GRM7: variants seen among roughly 807,000 people sequenced by gnomAD.
The protein encoded by GRM7 is metabotropic glutamate receptor 7.
In GRM7, 35 loss-of-function variants were observed where a neutral mutation model predicts 84.5. The observed-to-expected ratio is 0.41, with a 90% CI of 0.32 to 0.55. The LOEUF is 0.55. GRM7 is among the 20% of genes least tolerant of loss of function. The pLI is 0.19. For synonymous variants in GRM7, 487 were observed against 455.1 expected (o/e 1.07, Z -0.89); for missense variants, 1,003 against 1,194.6 (o/e 0.84, Z 2.36).
chr3:7,189,378 A>G (rs945746120), intron 2 of GRM7, among the ~76,000 whole-genome samples: 4 of 152,114 alleles, frequency 2.6e-5, no homozygotes, highest in Non-Finnish European at 5.9e-5. Flanking sequence ...ATCCTTTCCA[A>G]TGAATGTGCT....
chr3:7,544,443 A>T (rs908479075), intron 7 of GRM7, among the ~76,000 whole-genome samples: 1 of 152,098 alleles, frequency 6.6e-6, no homozygotes, highest in Non-Finnish European at 1.5e-5. Context: ...AATTAGGAGG[A>T]GGTAAAGTAG....
At chr3:7,527,779 G>A (rs1700865592) in intron 7 of GRM7, among the ~76,000 whole-genome samples, 1 of 151,980 alleles carries the variant, frequency 6.6e-6, no homozygotes, top group African/African-American at 2.4e-5. Flanking sequence ...TGCCTATTGA[G>A]ATGATTGCAT....
At position 7,081,912 on chromosome 3, in the gene GRM7, TGA is replaced by T. The variant is rs529515448; in HGVS notation, c.520-64534_520-64533del. Among the ~76,000 whole-genome samples, 26 of 152,118 alleles carry T rather than the reference TGA, an allele frequency of 1.7e-4. No homozygotes were observed. The South Asian group carries it at 4.8e-3, about 28-fold the overall frequency. Reference sequence around the variant, plus strand: ...TCAATTCTGCAAAGGCTGAAAGAAGTGAGAGAGCTACCGAAGGAAAGTTTGGA... The same window carrying T: ...TCAATTCTGCAAAGGCTGAAAGAAGTGAGAGCTACCGAAGGAAAGTTTGGA... On this transcript the variant is annotated intron_variant, in intron 1 of 9. Coordinates refer to ENST00000357716, the MANE Select transcript of GRM7 (RefSeq NM_000844.4).
At chr3:7,339,107 C>T (rs866489726) in intron 4 of GRM7, among the ~76,000 whole-genome samples, 13 of 151,860 alleles carry the variant, frequency 8.6e-5, no homozygotes, top group African/African-American at 2.9e-4. Context: ...GGATCATGTC[C>T]CAAATATGTT....
chr3:7,690,724 T>G (rs1450243113), intron 9 of GRM7, among the ~76,000 whole-genome samples: 1 of 152,236 alleles, frequency 6.6e-6, no homozygotes, highest in Non-Finnish European at 1.5e-5. Context: ...CCACTGGACA[T>G]GGATCCTAAG....
intron 9 of GRM7, chr3:7,686,229 C>T (rs1219518774): frequency 1.9e-6 from 1 of 534,932 alleles, no homozygotes; most frequent in Non-Finnish European, 3.4e-6. Context: ...TTGAACCCAC[C>T]AAAAGAGTGG....
intron 1 of GRM7, among the ~76,000 whole-genome samples, chr3:7,112,443 C>T (rs1037019963): frequency 6.6e-6 from 1 of 152,110 alleles, no homozygotes; most frequent in Non-Finnish European, 1.5e-5. Flanking sequence ...CCAGGATGGT[C>T]TCGATCTCCT....
intron 2 of GRM7, among the ~76,000 whole-genome samples, chr3:7,217,781 G>A (rs1255128790): frequency 6.6e-6 from 1 of 150,558 alleles, no homozygotes; most frequent in Non-Finnish European, 1.5e-5. Flanking sequence ...GATAACCATT[G>A]TTCATATTGA....
chr3:7,519,123 T>C (rs1700497208), intron 7 of GRM7, among the ~76,000 whole-genome samples: 1 of 152,226 alleles, frequency 6.6e-6, no homozygotes, highest in African/African-American at 2.4e-5. Context: ...CCCAGTTTTT[T>C]TCACTATATA....
intron 1 of GRM7, among the ~76,000 whole-genome samples, chr3:6,915,304 C>G (rs1225591468): frequency 6.6e-6 from 1 of 152,102 alleles, no homozygotes; most frequent in African/African-American, 2.4e-5. Flanking sequence ...GCCAAAATAA[C>G]AGTTTTTGGT....
chr3:6,947,044 T>A (rs1698111974), intron 1 of GRM7, among the ~76,000 whole-genome samples: 1 of 152,172 alleles, frequency 6.6e-6, no homozygotes, highest in African/African-American at 2.4e-5. Flanking sequence ...TGCCCTTTAT[T>A]TCCTTATCCT....
chr3:6,861,719 A>G lies in GRM7; in HGVS notation c.331A>G (p.Arg111Gly). 1.9e-6 allele frequency: 3 copies of G among 1,614,196 alleles called. No homozygotes were observed. Among genetic ancestry groups the G allele is most frequent in the Non-Finnish European group, 1.7e-6 (2 of 1,180,032 alleles). ...CGCGCGGATCCTGGACACTTGTTCC[A>G]GGGACACTTACGCGCTCGAACAGTC... ...LGARILDTCS[R>G]DTYALEQSLT... Residue 111 changes from arginine to glycine, a missense_variant, in exon 1 of 10, where the codon AGG becomes GGG. Arg to Gly is a moderately radical substitution (Grantham distance 125). This residue lies in a region of GRM7 where 910 missense variants were observed against 1,126.0 expected (regional missense o/e 0.81). Transcript: ENST00000357716. The surrounding 1 kb of genome is among the most constrained non-coding windows in gnomAD (Gnocchi z 6.4).
intron 7 of GRM7, among the ~76,000 whole-genome samples, chr3:7,512,128 G>C (rs1308707821): frequency 6.6e-6 from 1 of 152,016 alleles, no homozygotes; most frequent in African/African-American, 2.4e-5. Flanking sequence ...CAGCCTGAGT[G>C]ACAGAGACCC....
chr3:7,429,912 G>C (rs1046111516), intron 5 of GRM7, among the ~76,000 whole-genome samples: 2 of 152,028 alleles, frequency 1.3e-5, no homozygotes, highest in African/African-American at 4.8e-5. Context: ...AGCTCATTTA[G>C]AAACCACAAA....
At chr3:7,559,381 C>G (rs1354211563) in intron 7 of GRM7, 1 of 152,072 alleles carries the variant, frequency 6.6e-6, no homozygotes, top group Admixed American at 6.6e-5. Context: ...ACATTATCTA[C>G]TATTGCTGCC....
intron 6 of GRM7, among the ~76,000 whole-genome samples, chr3:7,453,331 A>C (rs1697858559): frequency 1.3e-5 from 2 of 152,026 alleles, no homozygotes; most frequent in Non-Finnish European, 2.9e-5. Context: ...GAAACCCCAC[A>C]AGTTGGAGGC....
At chr3:7,140,507 C>G (rs771248923) in intron 1 of GRM7, among the ~76,000 whole-genome samples, 1 of 151,896 alleles carries the variant, frequency 6.6e-6, no homozygotes, top group Non-Finnish European at 1.5e-5. Context: ...TTATACGTAA[C>G]CTTCAAAGTG....
At chr3:7,066,846 A>G (rs1697683159) in intron 1 of GRM7, among the ~76,000 whole-genome samples, 1 of 151,964 alleles carries the variant, frequency 6.6e-6, no homozygotes. Context: ...GTTTCATACC[A>G]GGGATGCAGG....
intron 2 of GRM7, among the ~76,000 whole-genome samples, chr3:7,181,016 C>G (rs1419697010): frequency 6.6e-6 from 1 of 152,134 alleles, no homozygotes; most frequent in Non-Finnish European, 1.5e-5. Context: ...TTTCATTCCA[C>G]TAAATCTTGG....
Sources: allele counts gnomAD v4.1 joint callset (sites outside exome capture counted in the v4.1 genomes callset), GRCh38; gene constraint gnomAD v4.1.1; regional missense constraint gnomAD v4.1.1; non-coding constraint Gnocchi (gnomAD v3.1); transcripts MANE v1.5; gene names NCBI Gene and HGNC (gene_info 2026-07-23, HGNC 2026-07-21).